MCU: variants seen among roughly 807,000 people sequenced by gnomAD.
MCU encodes the protein calcium uniporter protein, mitochondrial.
MCU carries 12 observed loss-of-function variants against 45.2 expected under a neutral mutation model. The ratio of observed to expected loss-of-function variants is 0.27; its 90% CI spans 0.17 to 0.43. MCU has a LOEUF of 0.43. MCU is among the 20% of genes least tolerant of loss of function. The pLI is 1.00. For synonymous variants in MCU, 160 were observed against 165.1 expected (o/e 0.97, Z 0.24); for missense variants, 324 against 436.7 (o/e 0.74, Z 2.30).
intron 2 of MCU, among the ~76,000 whole-genome samples, chr10:72,835,207 A>G (rs550879176): frequency 5.3e-5 from 8 of 152,332 alleles, no homozygotes; most frequent in South Asian, 2.1e-4. Context: ...TTGGAGACCA[A>G]TGCAATCCTT....
intron 1 of MCU, among the ~76,000 whole-genome samples, chr10:72,728,660 G>C (rs1167317034): frequency 6.6e-6 from 1 of 152,174 alleles, no homozygotes; most frequent in Non-Finnish European, 1.5e-5. Context: ...AATGTGGTGG[G>C]AGTGTGGGAG....
chr10:72,827,133 G>A (rs1443181573), intron 1 of MCU, among the ~76,000 whole-genome samples: 1 of 152,130 alleles, frequency 6.6e-6, no homozygotes, highest in East Asian at 1.9e-4. Context: ...TAGAGTTTCT[G>A]TTCCCATGGA....
chr10:72,740,940 CATTGTATTTTA>C (rs775486281), intron 1 of MCU, among the ~76,000 whole-genome samples: 3 of 152,076 alleles, frequency 2.0e-5, no homozygotes, highest in African/African-American at 7.2e-5. Context: ...TAGGCTTTTC[CATTGTATTTTA>C]ATAGTTATCA....
chr10:72,771,989 C>T (rs1354288004), intron 1 of MCU, among the ~76,000 whole-genome samples: 3 of 152,190 alleles, frequency 2.0e-5, no homozygotes, highest in African/African-American at 7.2e-5. Flanking sequence ...ACACTGGAAA[C>T]AGTGAGGCTG....
intron 5 of MCU, among the ~76,000 whole-genome samples, chr10:72,870,371 CG>C (rs1021253237): frequency 2.0e-5 from 3 of 152,076 alleles, no homozygotes; most frequent in African/African-American, 7.2e-5. Flanking sequence ...CTCCACCTCC[CG>C]GGTTCACGCC....
chr10:72,814,740 A>G (rs1236471128), intron 1 of MCU, among the ~76,000 whole-genome samples: 2 of 152,316 alleles, frequency 1.3e-5, no homozygotes, highest in African/African-American at 2.4e-5. Context: ...TCTAAAAGGA[A>G]GGGTTATATT....
chr10:72,787,999 G>T (rs1366877207), intron 1 of MCU, among the ~76,000 whole-genome samples: 1 of 152,236 alleles, frequency 6.6e-6, no homozygotes, highest in African/African-American at 2.4e-5. Flanking sequence ...TTACAGGCAT[G>T]AGCCACTGCG....
chr10:72,868,528 G>A (rs1363755307), intron 4 of MCU, among the ~76,000 whole-genome samples, 175 bp from the exon 5 acceptor site: 1 of 151,156 alleles, frequency 6.6e-6, no homozygotes, highest in Non-Finnish European at 1.5e-5. Context: ...CTCCAGCCTG[G>A]GTGATAGAGT....
At chr10:72,794,669 T>G (rs1377003180) in intron 1 of MCU, among the ~76,000 whole-genome samples, 2 of 152,208 alleles carry the variant, frequency 1.3e-5, no homozygotes, top group Non-Finnish European at 2.9e-5. Context: ...TTCAATTCAT[T>G]AGACAGACCG....
In MCU at chr10:72,801,101, A is replaced by G. The variant is rs1035665432; in HGVS notation, c.151-33258A>G. On this transcript the variant is annotated intron_variant, in intron 1 of 7. Coordinates refer to ENST00000373053, the MANE Select transcript of MCU (RefSeq NM_138357.3). ...GAGTGAGACCCTGTCTCTTAAAATA[A>G]AAAAGTTTCACTGAAGTGAGAAACC... Among the ~76,000 whole-genome samples the G allele has an allele frequency of 1.3e-4, 20 of 152,296 alleles. No individual in the cohort carries two copies. In the East Asian group the frequency reaches 2.9e-3, roughly 22 times the overall value.
intron 1 of MCU, among the ~76,000 whole-genome samples, chr10:72,790,059 T>C (rs767972007): frequency 1.6e-4 from 25 of 152,212 alleles, no homozygotes; most frequent in Non-Finnish European, 3.2e-4. Flanking sequence ...CAGACAGTGG[T>C]TTGATTCAGC....
chr10:72,713,947 T>TTGTG (rs72292523), intron 1 of MCU, among the ~76,000 whole-genome samples: 3,112 of 139,062 alleles, frequency 0.022, 96 homozygotes, highest in African/African-American at 0.07. Context: ...CTTTCATCAT[T>TTGTG]TGTGTGTGTG....
At chr10:72,804,915 G>A (rs566524066) in intron 1 of MCU, among the ~76,000 whole-genome samples, 9 of 152,266 alleles carry the variant, frequency 5.9e-5, no homozygotes, top group Non-Finnish European at 8.8e-5. Flanking sequence ...GGGACTACAG[G>A]TGTGTGCCAC....
intron 1 of MCU, chr10:72,721,080 C>T (rs931066099): frequency 6.5e-6 from 1 of 154,070 alleles, no homozygotes; most frequent in African/African-American, 2.4e-5. Context: ...CTCACTGTTT[C>T]ACCACTGGCT....
At chr10:72,766,006 A>G (rs1273633257) in intron 1 of MCU, among the ~76,000 whole-genome samples, 2 of 152,006 alleles carry the variant, frequency 1.3e-5, no homozygotes, top group Non-Finnish European at 2.9e-5. Context: ...AGCTGGGACT[A>G]CAGGCATGTG....
chr10:72,793,778 C>A (rs561493265), intron 1 of MCU, among the ~76,000 whole-genome samples: 1 of 152,162 alleles, frequency 6.6e-6, no homozygotes, highest in Non-Finnish European at 1.5e-5. Flanking sequence ...GAGTAAGCAT[C>A]CCAAAAGATC....
chr10:72,860,577 G>T, intron 4 of MCU, 50 bp downstream of exon 4: 1 of 1,427,350 alleles, frequency 7.0e-7, no homozygotes, highest in Non-Finnish European at 9.8e-7. Context: ...AGGGCTTTTG[G>T]AAATAACTTT....
chr10:72,830,390 A>T (rs1448207543), intron 1 of MCU, among the ~76,000 whole-genome samples: 1 of 152,156 alleles, frequency 6.6e-6, no homozygotes, highest in Non-Finnish European at 1.5e-5. Context: ...AGGACAGAGG[A>T]TTTCTGTTGT....
At position 72,813,679 on chromosome 10, in the gene MCU, G is replaced by A. The variant is rs559093255; in HGVS notation, c.151-20680G>A. 2.9e-4 allele frequency among the ~76,000 whole-genome samples: 44 copies of A among 151,942 alleles called. No individual in the cohort carries two copies. In the East Asian group the frequency reaches 7.6e-3, roughly 26 times the overall value. The stretch of plus-strand genomic sequence containing the variant: ...TCACTATGTTGGCCAGGCTGGTCTC[G>A]AACTCCTGGCCTCAAGTGATCTGCC... On this transcript the variant is annotated intron_variant, in intron 1 of 7. Transcript: ENST00000373053.
Sources: allele counts gnomAD v4.1 joint callset (sites outside exome capture counted in the v4.1 genomes callset), GRCh38; gene constraint gnomAD v4.1.1; transcripts MANE v1.5; gene names NCBI Gene and HGNC (gene_info 2026-07-23, HGNC 2026-07-21).